The following FARS2 variants were observed in gnomAD, a reference collection of about 807,000 sequenced individuals.
The protein encoded by FARS2 is phenylalanyl-tRNA synthetase 2, mitochondrial, also known as phenylalanine--tRNA ligase, mitochondrial.
Under a neutral mutation model 46.4 loss-of-function variants are expected in FARS2, and 40 were observed. That is an observed-to-expected ratio of 0.86 (90% CI 0.67 to 1.12). The LOEUF (loss-of-function observed/expected upper bound fraction) is 1.12, where lower values mean the gene tolerates loss of function less well. Ranked by LOEUF, FARS2 falls within the 50% of genes most tolerant of loss-of-function variation. The pLI, the probability that FARS2 is intolerant of heterozygous loss-of-function variation, is 0.00. For synonymous variants in FARS2, 234 were observed against 214.9 expected (o/e 1.09, Z -0.78); for missense variants, 513 against 567.9 (o/e 0.90, Z 0.98).
At chr6:5,575,917 T>C (rs2150569161) in intron 5 of FARS2, among the ~76,000 whole-genome samples, 1 of 152,338 alleles carries the variant, frequency 6.6e-6, no homozygotes, top group Middle Eastern at 3.4e-3. Flanking sequence ...TCCTTTTCAA[T>C]GCATTGTGTC....
At chr6:5,415,559 C>G (rs545699804) in intron 3 of FARS2, among the ~76,000 whole-genome samples, 1 of 152,008 alleles carries the variant, frequency 6.6e-6, no homozygotes, top group African/African-American at 2.4e-5. Flanking sequence ...TCAGGTGATT[C>G]ACCCACCTCG....
intron 2 of FARS2, among the ~76,000 whole-genome samples, chr6:5,370,878 T>G (rs146267048): frequency 7.9e-5 from 12 of 152,352 alleles, no homozygotes; most frequent in African/African-American, 2.9e-4. Context: ...TATGCTCATG[T>G]GTATGTATGT....
At chr6:5,465,858 T>C (rs548896514) in intron 4 of FARS2, among the ~76,000 whole-genome samples, 2 of 152,256 alleles carry the variant, frequency 1.3e-5, no homozygotes, top group African/African-American at 2.4e-5. Context: ...TTCATAGCCA[T>C]ACTTTTTTTG....
At chr6:5,650,702 C>T (rs967608681) in intron 6 of FARS2, among the ~76,000 whole-genome samples, 1 of 152,290 alleles carries the variant, frequency 6.6e-6, no homozygotes, top group East Asian at 1.9e-4. Context: ...TGGTCTCGAT[C>T]TCCTCACCTC....
intron 6 of FARS2, among the ~76,000 whole-genome samples, chr6:5,642,098 A>T (rs1268541038): frequency 6.6e-6 from 1 of 152,212 alleles, no homozygotes; most frequent in East Asian, 1.9e-4. Context: ...AATACTACAT[A>T]GGTGCATACA....
At chr6:5,757,434 G>A (rs1286769927) in intron 6 of FARS2, among the ~76,000 whole-genome samples, 1 of 151,958 alleles carries the variant, frequency 6.6e-6, no homozygotes, top group African/African-American at 2.4e-5. Flanking sequence ...TATCCAAGTA[G>A]CAAAGATAGC....
At chr6:5,272,686 C>T (rs1766046276) in intron 1 of FARS2, among the ~76,000 whole-genome samples, 1 of 152,106 alleles carries the variant, frequency 6.6e-6, no homozygotes, top group South Asian at 2.1e-4. Flanking sequence ...TTTCTTCTAG[C>T]TATTTTGAAA....
intron 3 of FARS2, among the ~76,000 whole-genome samples, chr6:5,411,024 C>T (rs906875968): frequency 6.6e-6 from 1 of 152,078 alleles, no homozygotes; most frequent in South Asian, 2.1e-4. Flanking sequence ...CAGAAGTTAG[C>T]TTTTGGATAG....
At chr6:5,723,277 A>C (rs77927041) in intron 6 of FARS2, among the ~76,000 whole-genome samples, 1 of 152,140 alleles carries the variant, frequency 6.6e-6, no homozygotes, top group African/African-American at 2.4e-5. Flanking sequence ...AACAAAGCTC[A>C]TATCTATATA....
rs113002241 is a variant in FARS2, at chr6:5,711,498, C to T, written c.1218-59793C>T. ...CAGTGGAGGAAGCTGACGACCACTG[C>T]TTCCACCACGTGACCAAGGCCAACG... On this transcript the variant is annotated intron_variant, in intron 6 of 6. Coordinates refer to ENST00000274680, the MANE Select transcript of FARS2 (RefSeq NM_006567.5). Among the ~76,000 whole-genome samples the T allele has an allele frequency of 1.1e-4, 17 of 152,318 alleles. 1 individual carries two copies. Among genetic ancestry groups the T allele is most frequent in the African/African-American group, 4.1e-4 (17 of 41,560 alleles).
intron 2 of FARS2, among the ~76,000 whole-genome samples, chr6:5,393,522 G>T (rs943930968): frequency 6.6e-6 from 1 of 152,050 alleles, no homozygotes; most frequent in Non-Finnish European, 1.5e-5. Flanking sequence ...GCTGGGCATG[G>T]TGGTGCGTGC....
intron 6 of FARS2, among the ~76,000 whole-genome samples, chr6:5,711,986 A>G (rs1192466183): frequency 6.6e-6 from 1 of 152,174 alleles, no homozygotes; most frequent in African/African-American, 2.4e-5. Flanking sequence ...TATCTTTCCA[A>G]TTTTTCTGTA....
At chr6:5,259,907 A>G (rs1032140042), upstream of FARS2, among the ~76,000 whole-genome samples, 1 of 152,242 alleles carries the variant, frequency 6.6e-6, no homozygotes, top group Non-Finnish European at 1.5e-5. Context: ...GCTCTGAATT[A>G]GAAAAAACAT....
At chr6:5,382,713 T>A (rs977000729) in intron 2 of FARS2, among the ~76,000 whole-genome samples, 1 of 152,226 alleles carries the variant, frequency 6.6e-6, no homozygotes, top group African/African-American at 2.4e-5. Flanking sequence ...AGCTTCTTTG[T>A]TATTGTCTGT....
chr6:5,402,959 AAAGCCTTATC>A (rs1761349445), intron 2 of FARS2, among the ~76,000 whole-genome samples: 2 of 152,104 alleles, frequency 1.3e-5, no homozygotes, highest in African/African-American at 4.8e-5. Context: ...TGCTTACTTC[AAAGCCTTATC>A]AGTGGGGTAG....
At chr6:5,570,443 G>A (rs902286882) in intron 5 of FARS2, among the ~76,000 whole-genome samples, 2 of 152,230 alleles carry the variant, frequency 1.3e-5, no homozygotes, top group Middle Eastern at 3.4e-3. Flanking sequence ...GCTTAAATTT[G>A]CATCTTTAAT....
At chr6:5,628,898 C>T (rs1419942195) in intron 6 of FARS2, among the ~76,000 whole-genome samples, 1 of 152,206 alleles carries the variant, frequency 6.6e-6, no homozygotes, top group Non-Finnish European at 1.5e-5. Context: ...AAAACACATG[C>T]AATTGCAGAC....
intron 2 of FARS2, among the ~76,000 whole-genome samples, chr6:5,402,710 G>A (rs1294184149): frequency 6.6e-6 from 1 of 152,022 alleles, no homozygotes; most frequent in African/African-American, 2.4e-5. Context: ...AATTGAAAAG[G>A]TTGTCTTTCG....
At chr6:5,296,374 C>A (rs1417880305) in intron 1 of FARS2, among the ~76,000 whole-genome samples, 1 of 152,086 alleles carries the variant, frequency 6.6e-6, no homozygotes, top group Non-Finnish European at 1.5e-5. Flanking sequence ...ATCTCCTGAC[C>A]TCGTGATCCG....
Sources: allele counts gnomAD v4.1 joint callset (sites outside exome capture counted in the v4.1 genomes callset), GRCh38; gene constraint gnomAD v4.1.1; transcripts MANE v1.5; gene names NCBI Gene and HGNC (gene_info 2026-07-23, HGNC 2026-07-21).